Variants in NCOA5 observed in about 807,000 individuals in gnomAD.
NCOA5 encodes the protein nuclear receptor coactivator 5, also known as NCoA-5.
Under a neutral mutation model 59.0 loss-of-function variants are expected in NCOA5, and 12 were observed. The observed-to-expected ratio is 0.20, with a 90% CI of 0.13 to 0.33. The LOEUF is 0.33. NCOA5 is among the 10% of genes least tolerant of loss of function. The pLI, the probability that NCOA5 is intolerant of heterozygous loss-of-function variation, is 1.00. For missense variants in NCOA5, 655 were observed against 766.6 expected, an observed-to-expected ratio of 0.85 and a Z score of 1.72; for synonymous variants, 270 against 275.5, an observed-to-expected ratio of 0.98 and a Z score of 0.20.
intron 2 of NCOA5, among the ~76,000 whole-genome samples, chr20:46,076,782 T>C (rs1412394506): frequency 1.3e-5 from 2 of 152,170 alleles, no homozygotes; most frequent in African/African-American, 2.4e-5. Context: ...GTCCCTCCTG[T>C]TGATTGTAAA....
chr20:46,065,267 C>A, intron 5 of NCOA5, 39 bp from the exon 6 acceptor site: 1 of 1,596,664 alleles, frequency 6.3e-7, no homozygotes, highest in South Asian at 1.1e-5. Context: ...CGACCAACTC[C>A]AAATCTGCAT....
At chr20:46,086,084 GCC>G (rs901471099) in intron 1 of NCOA5, among the ~76,000 whole-genome samples, 4 of 152,210 alleles carry the variant, frequency 2.6e-5, no homozygotes, top group African/African-American at 9.6e-5. Context: ...TCACCATGTT[GCC>G]CAGGTTGGTC....
Position 46,079,412 on chromosome 20 carries a change from G to C in NCOA5, c.13C>G (p.Pro5Ala). ...CTTCGTGTGGGGCTGGGTCTTGATG[G>C]AGCCGTATTCATATTTCTTCTTTCC... MNTA[P>A]SRPSPTRRDP... The change falls in exon 2 of 8, where the codon CCA (proline) becomes GCA (alanine). Residue 5 changes from proline to alanine, a missense_variant. Coordinates refer to ENST00000290231, the MANE Select transcript of NCOA5 (RefSeq NM_020967.3). The C allele has an allele frequency of 6.2e-7, 1 of 1,613,988 alleles. No homozygotes were observed. Among genetic ancestry groups the C allele is most frequent in the East Asian group, 2.2e-5 (1 of 44,880 alleles).
At chr20:46,076,457 G>C (rs746340808) in intron 2 of NCOA5, among the ~76,000 whole-genome samples, 1 of 151,978 alleles carries the variant, frequency 6.6e-6, no homozygotes, top group Non-Finnish European at 1.5e-5. Context: ...GATAAAGTAT[G>C]ATCAGGACAA....
At chr20:46,088,198 G>A (rs1286510746) in intron 1 of NCOA5, among the ~76,000 whole-genome samples, 1 of 152,152 alleles carries the variant, frequency 6.6e-6, no homozygotes, top group Non-Finnish European at 1.5e-5. Context: ...TCACAGGTAT[G>A]CAACATTGAG....
At chr20:46,067,257 G>A in intron 4 of NCOA5, 76 bp from the exon 5 acceptor site, 1 of 1,517,678 alleles carries the variant, frequency 6.6e-7, no homozygotes, top group Non-Finnish European at 8.9e-7. Flanking sequence ...TGTAGGCAAA[G>A]GTCATAATAC....
At chr20:46,073,452 T>G (rs2084905712) in intron 2 of NCOA5, among the ~76,000 whole-genome samples, 1 of 152,230 alleles carries the variant, frequency 6.6e-6, no homozygotes, top group South Asian at 2.1e-4. Context: ...TCAACCTTCC[T>G]TATTACATCA....
At chr20:46,077,173 G>A (rs1483321945) in intron 2 of NCOA5, among the ~76,000 whole-genome samples, 1 of 152,190 alleles carries the variant, frequency 6.6e-6, no homozygotes, top group African/African-American at 2.4e-5. Flanking sequence ...TCCTCCCAAA[G>A]TGCTGGGATC....
chr20:46,069,367 C>T (rs1199269203), intron 3 of NCOA5, among the ~76,000 whole-genome samples: 5 of 152,200 alleles, frequency 3.3e-5, no homozygotes, highest in Admixed American at 6.5e-5. Context: ...ATGTTTTCAA[C>T]GTCCTTCATG....
intron 5 of NCOA5, among the ~76,000 whole-genome samples, chr20:46,066,207 C>G (rs1255601121): frequency 6.6e-6 from 1 of 152,158 alleles, no homozygotes; most frequent in African/African-American, 2.4e-5. Flanking sequence ...TACTGCCAAG[C>G]CTGCAAGCTG....
At chr20:46,075,107 T>C (rs1047484176) in intron 2 of NCOA5, among the ~76,000 whole-genome samples, 2 of 152,196 alleles carry the variant, frequency 1.3e-5, no homozygotes, top group Non-Finnish European at 2.9e-5. Context: ...ATGCTACTGT[T>C]AGAAATGGAG....
At chr20:46,069,637 G>T (rs916602059) in intron 3 of NCOA5, among the ~76,000 whole-genome samples, 1 of 152,032 alleles carries the variant, frequency 6.6e-6, no homozygotes, top group Non-Finnish European at 1.5e-5. Flanking sequence ...AGGCTGAGGT[G>T]GGAGAAGTAC....
chr20:46,079,281 C>CGT, intron 2 of NCOA5, 106 bp downstream of exon 2: 2 of 1,039,146 alleles, frequency 1.9e-6, no homozygotes, highest in Middle Eastern at 2.0e-4. Flanking sequence ...TTTGCTTGAG[C>CGT]GTTTCACTTG....
intron 5 of NCOA5, 114 bp downstream of exon 5, chr20:46,066,941 C>T (rs541083515): frequency 4.0e-5 from 48 of 1,213,334 alleles, no homozygotes; most frequent in African/African-American, 3.3e-4. Flanking sequence ...TGGCTAACAG[C>T]GCACAGCAAT....
At chr20:46,076,364 T>G (rs757547398) in intron 2 of NCOA5, among the ~76,000 whole-genome samples, 26 of 152,170 alleles carry the variant, frequency 1.7e-4, no homozygotes, top group Non-Finnish European at 3.5e-4. Context: ...CTCAGTTAAA[T>G]GATTTGCCCC....
rs1291172108 is a variant in NCOA5, at chr20:46,063,698, A to G, written c.830-18T>C. 1.2e-6 allele frequency: 2 copies of G among 1,605,216 alleles called. No homozygotes were observed. Among genetic ancestry groups the G allele is most frequent in the African/African-American group, 1.3e-5 (1 of 74,708 alleles). The stretch of plus-strand genomic sequence containing the variant: ...GCGATGCTCTGTAGGAGGAAATGAC[A>G]TGAGTTATTTTCTTCCATGACATAT... On this transcript the variant is annotated intron_variant, in intron 6 of 7. Coordinates refer to ENST00000290231, the MANE Select transcript of NCOA5 (RefSeq NM_020967.3).
chr20:46,081,975 C>T (rs933890817), intron 1 of NCOA5, among the ~76,000 whole-genome samples: 1 of 152,084 alleles, frequency 6.6e-6, no homozygotes, highest in African/African-American at 2.4e-5. Context: ...AGGAACTAAT[C>T]ACGGAGAGCA....
intron 5 of NCOA5, 100 bp from the exon 6 acceptor site, chr20:46,065,328 G>GTC: frequency 9.3e-7 from 1 of 1,069,656 alleles, no homozygotes; most frequent in Non-Finnish European, 1.4e-6. Flanking sequence ...TCAAACCTTA[G>GTC]TCTACCCCAG....
intron 2 of NCOA5, among the ~76,000 whole-genome samples, chr20:46,076,395 C>T (rs978751265): frequency 1.6e-4 from 25 of 152,122 alleles, no homozygotes; most frequent in African/African-American, 3.6e-4. Context: ...ATTACTTGCC[C>T]GTCTCACCTA....
Sources: gnomAD v4.1 joint callset for allele counts (sites outside exome capture counted in the v4.1 genomes callset) on GRCh38, gnomAD v4.1.1 for gene constraint, MANE v1.5 for transcripts, NCBI Gene and HGNC (gene_info 2026-07-23, HGNC 2026-07-21) for gene names.